Variants in ROBO2 observed in about 807,000 individuals in gnomAD.
The protein encoded by ROBO2 is roundabout guidance receptor 2.
ROBO2 carries 53 observed loss-of-function variants against 160.8 expected under a neutral mutation model. That is an observed-to-expected ratio of 0.33 (90% CI 0.26 to 0.41). The LOEUF (loss-of-function observed/expected upper bound fraction) is 0.41. ROBO2 is among the 10% of genes least tolerant of loss of function. The pLI, the probability that ROBO2 is intolerant of heterozygous loss-of-function variation, is 1.00. For synonymous variants in ROBO2, 664 were observed against 611.7 expected (o/e 1.09, Z -1.26); for missense variants, 1,577 against 1,722.4 (o/e 0.92, Z 1.49).
At position 77,011,054 on chromosome 3, in the gene ROBO2, C is replaced by CTTTCTTTCTTTCTTTCT. The variant is rs367569139; in HGVS notation, c.110-86958_110-86957insTCTTTCTTTCTTTCTTT. Reference sequence around the variant, plus strand: ...GTTCTTTCTTTTCTTTTCTTTCTTTCTTCTTTCTTTCTTTCTTTCTTTCTT... The same window carrying CTTTCTTTCTTTCTTTCT: ...GTTCTTTCTTTTCTTTTCTTTCTTTCTTTCTTTCTTTCTTTCTTTCTTTCTTTCTTTCTTTCTTTCTT... On this transcript the variant is annotated intron_variant, in intron 2 of 26. Transcript: ENST00000487694. 1.8e-4 allele frequency among the ~76,000 whole-genome samples: 19 copies of CTTTCTTTCTTTCTTTCT among 106,816 alleles called. No homozygotes were observed. In the East Asian group the frequency reaches 2.7e-3, roughly 15 times the overall value. The allele number at this position is 106,816 out of a possible 152,430, so 70.1% of individuals were successfully genotyped here.
intron 2 of ROBO2, among the ~76,000 whole-genome samples, chr3:77,274,776 C>T (rs1196409428): frequency 1.3e-5 from 2 of 152,050 alleles, no homozygotes; most frequent in East Asian, 3.8e-4. Flanking sequence ...AGTACTTACA[C>T]TGGATAGTTT....
chr3:75,959,411 C>G (rs1948829631), intron 2 of ROBO2, among the ~76,000 whole-genome samples: 1 of 151,662 alleles, frequency 6.6e-6, no homozygotes, highest in African/African-American at 2.4e-5. Context: ...GAAAGAATTT[C>G]TGGTTAAAAA....
intron 2 of ROBO2, among the ~76,000 whole-genome samples, chr3:77,114,224 A>G (rs2073973630): frequency 2.0e-5 from 3 of 152,200 alleles, no homozygotes; most frequent in Admixed American, 2.0e-4. Flanking sequence ...GGGAAATCTA[A>G]GCAAGCTCCT....
At chr3:75,927,858 G>T (rs1024307533) in intron 1 of ROBO2, among the ~76,000 whole-genome samples, 1 of 151,800 alleles carries the variant, frequency 6.6e-6, no homozygotes, top group African/African-American at 2.4e-5. Context: ...TAACATGTTT[G>T]TCTTGTTTGG....
chr3:75,928,280 G>A (rs1013395447), intron 1 of ROBO2, among the ~76,000 whole-genome samples: 8 of 152,104 alleles, frequency 5.3e-5, no homozygotes, highest in Non-Finnish European at 1.0e-4. Flanking sequence ...CACCGTGCCC[G>A]GCCTCTATTT....
chr3:76,136,951 A>T (rs2071449759), intron 2 of ROBO2, among the ~76,000 whole-genome samples: 1 of 152,044 alleles, frequency 6.6e-6, no homozygotes, highest in African/African-American at 2.4e-5. Flanking sequence ...AAAACATGTT[A>T]AGTGGATTAT....
chr3:76,753,976 A>T (rs1389183941), intron 2 of ROBO2, among the ~76,000 whole-genome samples: 2 of 151,854 alleles, frequency 1.3e-5, no homozygotes, highest in Admixed American at 1.3e-4. Flanking sequence ...CATCCAATAT[A>T]TAAAACCTAT....
At chr3:77,648,001 A>G (rs1351972597) in exon 26 of ROBO2, 1 of 152,112 alleles carries the variant, frequency 6.6e-6, no homozygotes, top group Non-Finnish European at 1.5e-5. Flanking sequence ...GGTGCCATGT[A>G]ATTTATTTCT....
At chr3:76,187,284 T>C (rs554717196) in intron 2 of ROBO2, among the ~76,000 whole-genome samples, 4 of 152,202 alleles carry the variant, frequency 2.6e-5, no homozygotes, top group Non-Finnish European at 4.4e-5. Context: ...TTTTGTTCTA[T>C]TTTTTAATGA....
intron 2 of ROBO2, among the ~76,000 whole-genome samples, chr3:77,454,207 GAT>G (rs2081391045): frequency 6.6e-6 from 1 of 151,122 alleles, no homozygotes; most frequent in African/African-American, 2.4e-5. Context: ...CTGGGACACT[GAT>G]ATTTTAATGG....
intron 2 of ROBO2, among the ~76,000 whole-genome samples, chr3:76,876,677 G>GAA (rs1014822726): frequency 1.5e-5 from 2 of 131,820 alleles, no homozygotes; most frequent in Admixed American, 7.6e-5. Flanking sequence ...TCTGTCTCAA[G>GAA]AAAAAAAAAA....
At chr3:77,389,870 A>G (rs549181685) in intron 2 of ROBO2, among the ~76,000 whole-genome samples, 21 of 152,244 alleles carry the variant, frequency 1.4e-4, no homozygotes, top group South Asian at 2.1e-4. Flanking sequence ...CTAAATCCAG[A>G]TGAGGATAAA....
intron 2 of ROBO2, among the ~76,000 whole-genome samples, chr3:77,174,200 C>T (rs932225819): frequency 2.6e-5 from 4 of 151,938 alleles, no homozygotes; most frequent in Non-Finnish European, 5.9e-5. Flanking sequence ...TCCTGGGTGT[C>T]CCCCTCCCCA....
intron 20 of ROBO2, among the ~76,000 whole-genome samples, chr3:77,607,181 T>G (rs1425381578): frequency 6.6e-6 from 1 of 152,210 alleles, no homozygotes. Context: ...TATATGATGT[T>G]ATGCTTAAAA....
intron 2 of ROBO2, among the ~76,000 whole-genome samples, chr3:76,232,694 A>T (rs1417759435): frequency 6.6e-6 from 1 of 152,188 alleles, no homozygotes; most frequent in Non-Finnish European, 1.5e-5. Context: ...TATCAATGCT[A>T]TTTAACCCTT....
chr3:76,389,484 A>G (rs866367681), intron 2 of ROBO2, among the ~76,000 whole-genome samples: 1 of 152,242 alleles, frequency 6.6e-6, no homozygotes, highest in South Asian at 2.1e-4. Context: ...TGAAAACAAT[A>G]GGAAGATACC....
chr3:77,585,580 T>G (rs2094024962), intron 16 of ROBO2, among the ~76,000 whole-genome samples: 1 of 152,162 alleles, frequency 6.6e-6, no homozygotes, highest in African/African-American at 2.4e-5. Context: ...GTACTCAAAA[T>G]GTAATTATAA....
chr3:76,950,714 A>C (rs2078903732), intron 2 of ROBO2, among the ~76,000 whole-genome samples: 1 of 151,844 alleles, frequency 6.6e-6, no homozygotes, highest in Admixed American at 6.6e-5. Flanking sequence ...CTTGCTTTTC[A>C]TTGCCACTTT....
intron 2 of ROBO2, among the ~76,000 whole-genome samples, chr3:77,147,329 A>G (rs1055642857): frequency 6.6e-6 from 1 of 152,114 alleles, no homozygotes; most frequent in African/African-American, 2.4e-5. Flanking sequence ...ACTGGTGCCC[A>G]CTTGAGGGGG....
Sources: allele counts gnomAD v4.1 joint callset (sites outside exome capture counted in the v4.1 genomes callset), GRCh38; gene constraint gnomAD v4.1.1; transcripts MANE v1.5; gene names NCBI Gene and HGNC (gene_info 2026-07-23, HGNC 2026-07-21).